The following SDR42E2 variants were observed in gnomAD, a reference collection of about 807,000 sequenced individuals.
The protein encoded by SDR42E2 is putative short-chain dehydrogenase/reductase family 42E member 2.
Under a neutral mutation model 10.5 loss-of-function variants are expected in SDR42E2, and 20 were observed. The observed-to-expected ratio is 1.90, with a 90% CI of 1.34 to 2.77. The LOEUF (loss-of-function observed/expected upper bound fraction) is 2.77, where lower values mean the gene tolerates loss of function less well. Among genes scored for constraint, SDR42E2 ranks in the 30% most tolerant of loss-of-function variants. SDR42E2 has a pLI of 0.00. For missense variants in SDR42E2, 162 were observed against 104.2 expected (o/e 1.55, Z -2.42); for synonymous variants, 72 against 39.2 (o/e 1.84, Z -3.12).
At chr16:22,172,087 G>A (rs990788060) in intron 6 of SDR42E2, among the ~76,000 whole-genome samples, 169 bp from the exon 7 acceptor site, 12 of 152,166 alleles carry the variant, frequency 7.9e-5, no homozygotes, top group African/African-American at 2.9e-4. Context: ...GCTCTGGAAG[G>A]AGATGCACTG....
chr16:22,164,791 C>G (rs937587029), intron 1 of SDR42E2, among the ~76,000 whole-genome samples: 4 of 152,158 alleles, frequency 2.6e-5, no homozygotes, highest in Non-Finnish European at 4.4e-5. Flanking sequence ...TCTCCTCCTC[C>G]TCCTCTTTCT....
rs1273927997 is a variant in SDR42E2, at chr16:22,178,179, C to T, written c.639C>T (p.Gly213=). Residue 213 remains glycine (G), a synonymous_variant, in exon 8 of 13, where the codon GGC becomes GGT. Coordinates refer to ENST00000602312, the MANE Select transcript of SDR42E2 (RefSeq NM_001394319.2). ...TGCTCCGGCCTCCAGGGATCTACGG[C>T]CCTGAAGAGCAGAGGCACCTGCCCC... is the stretch of plus-strand genomic sequence containing the variant. The part of the protein sequence containing the change: ...TCVLRPPGIY[G]PEEQRHLPRV... 7.1e-6 allele frequency: 5 copies of T among 702,858 alleles called. No homozygotes were observed. In the Admixed American group the frequency reaches 1.0e-4, roughly 14 times the overall value. The allele number at this position is 702,858 out of a possible 1,614,324, so 43.5% of individuals were successfully genotyped here. A position where few individuals can be genotyped will look rare whatever the true frequency, so the allele number is the denominator to read the frequency against.
At chr16:22,179,097 G>A (rs191217378) in intron 8 of SDR42E2, among the ~76,000 whole-genome samples, 4 of 152,218 alleles carry the variant, frequency 2.6e-5, no homozygotes, top group East Asian at 3.9e-4. Flanking sequence ...GGACTCAAGC[G>A]ATCCTCCTGC....
chr16:22,172,050 C>T (rs189780537), intron 6 of SDR42E2, among the ~76,000 whole-genome samples: 5 of 152,266 alleles, frequency 3.3e-5, no homozygotes, highest in African/African-American at 9.6e-5. Flanking sequence ...GTTACTGCTC[C>T]GAACCCAGTG....
At chr16:22,188,011 G>A (rs563460900) in intron 12 of SDR42E2, among the ~76,000 whole-genome samples, 14 of 151,696 alleles carry the variant, frequency 9.2e-5, no homozygotes, top group African/African-American at 2.7e-4. Context: ...CAGAAGAGTC[G>A]CTTGAACCTG....
intron 12 of SDR42E2, among the ~76,000 whole-genome samples, chr16:22,189,412 C>G (rs777421862): frequency 2.0e-5 from 3 of 152,140 alleles, no homozygotes; most frequent in African/African-American, 4.8e-5. Context: ...TGACCTTTTT[C>G]CAAGTATGCA....
In SDR42E2 at chr16:22,163,133, G is replaced by C. The variant is rs551301583; in HGVS notation, c.-37+569G>C. Among the ~76,000 whole-genome samples the C allele has an allele frequency of 3.9e-5, 6 of 152,240 alleles. No homozygotes were observed. The South Asian group carries it at 1.2e-3, about 32-fold the overall frequency. On this transcript the variant is annotated intron_variant, in intron 1 of 12. Coordinates refer to ENST00000602312, the MANE Select transcript of SDR42E2 (RefSeq NM_001394319.2). Reference sequence around the variant, plus strand: ...GAGCCAGAGCAGCCAGAAATATTTGGGTCCATTCGCGGTTGTGGGTACTAA... The same window carrying C: ...GAGCCAGAGCAGCCAGAAATATTTGCGTCCATTCGCGGTTGTGGGTACTAA...
At position 22,186,802 on chromosome 16, in the gene SDR42E2, G is replaced by T; in HGVS notation, c.1014+8G>T. The T allele has an allele frequency of 2.7e-6, 1 of 375,556 alleles. No individual in the cohort carries two copies. Among genetic ancestry groups the T allele is most frequent in the South Asian group, 1.4e-4 (1 of 7,138 alleles). 23.3% of individuals were successfully genotyped at this position (375,556 alleles called of 1,614,324 possible). A position where few individuals can be genotyped will look rare whatever the true frequency, so the allele number is the denominator to read the frequency against. The stretch of plus-strand genomic sequence containing the variant: ...CTGCTCACTCGTAGTGAGGTAAGTG[G>T]GCTGCTGTTATGGGACCTAGGCCCT... On this transcript the variant is annotated splice_region_variant and intron_variant, in intron 12 of 12. Coordinates refer to ENST00000602312, the MANE Select transcript of SDR42E2 (RefSeq NM_001394319.2).
At chr16:22,175,544 T>TC (rs1005166118) in intron 7 of SDR42E2, among the ~76,000 whole-genome samples, 4 of 150,926 alleles carry the variant, frequency 2.7e-5, no homozygotes, top group Non-Finnish European at 5.9e-5. Flanking sequence ...TCCTTCCTTT[T>TC]TTTTTTTTTT....
chr16:22,175,662 CAG>C (rs957664482), intron 7 of SDR42E2, among the ~76,000 whole-genome samples: 1 of 151,278 alleles, frequency 6.6e-6, no homozygotes, highest in African/African-American at 2.4e-5. Context: ...GCCTGGGTGA[CAG>C]AGTGAGACCC....
At chr16:22,182,777 A>T (rs1207283778) in intron 10 of SDR42E2, among the ~76,000 whole-genome samples, 1 of 152,168 alleles carries the variant, frequency 6.6e-6, no homozygotes, top group African/African-American at 2.4e-5. Flanking sequence ...ACACGGGAGG[A>T]TCGCTTGAGG....
chr16:22,166,225 G>T (rs2046537737), intron 2 of SDR42E2, 25 bp from the exon 3 acceptor site: 4 of 405,194 alleles, frequency 9.9e-6, no homozygotes, highest in Admixed American at 8.8e-5. Flanking sequence ...CAGACCCAGT[G>T]AGTCAACAAC....
Position 22,190,623 on chromosome 16 carries a change from T to C in SDR42E2, c.*230T>C. 2.6e-6 allele frequency: 1 copy of C among 389,758 alleles called. No homozygotes were observed. The highest frequency in any genetic ancestry group is 3.7e-5 in the East Asian group (1 of 27,246). 24.1% of individuals were successfully genotyped at this position (389,758 alleles called of 1,614,324 possible). A position where few individuals can be genotyped will look rare whatever the true frequency, so the allele number is the denominator to read the frequency against. ...GACCTTGCCTTGCGCCCTTCCTGTG[T>C]TTTGGCCCCGCCCCTGTCCTGTCCC... is the stretch of plus-strand genomic sequence containing the variant. On this transcript the variant is annotated 3_prime_UTR_variant, in exon 13 of 13. Coordinates refer to ENST00000602312, the MANE Select transcript of SDR42E2 (RefSeq NM_001394319.2).
chr16:22,177,997 C>A (rs1305625911), intron 7 of SDR42E2, 133 bp from the exon 8 acceptor site: 2 of 580,078 alleles, frequency 3.4e-6, no homozygotes, highest in East Asian at 6.0e-5. Flanking sequence ...ATAAATTGAA[C>A]GAGGAAGCCC....
intron 10 of SDR42E2, 96 bp from the exon 11 acceptor site, chr16:22,184,085 A>AT (rs2142079776): frequency 2.5e-6 from 1 of 397,900 alleles, no homozygotes; most frequent in African/African-American, 2.1e-5. Flanking sequence ...GGGAGACAGG[A>AT]GGTACCTCTG....
intron 10 of SDR42E2, 86 bp downstream of exon 10, chr16:22,182,363 T>C (rs1446015734): frequency 5.0e-6 from 2 of 399,312 alleles, no homozygotes; most frequent in African/African-American, 4.1e-5. Flanking sequence ...TTTTAATTTT[T>C]TGAGACAGAG....
chr16:22,170,756 A>T, intron 5 of SDR42E2, 77 bp from the exon 6 acceptor site: 1 of 696,998 alleles, frequency 1.4e-6, no homozygotes, highest in Non-Finnish European at 2.6e-6. Context: ...CTCTATGCTC[A>T]CTTGTGTCCC....
At position 22,162,706 on chromosome 16, in the gene SDR42E2, C is replaced by G. The variant is rs1416448547; in HGVS notation, c.-37+142C>G. 2.0e-5 allele frequency among the ~76,000 whole-genome samples: 3 copies of G among 152,314 alleles called. No homozygotes were observed. The East Asian group carries it at 5.8e-4, about 29-fold the overall frequency. The stretch of plus-strand genomic sequence containing the variant: ...TCTCAGGGTCAGTCCCTGATGCTCC[C>G]CACCCTTTTGCCAGTTCCTTCCACC... On this transcript the variant is annotated intron_variant, in intron 1 of 12. Coordinates refer to ENST00000602312, the MANE Select transcript of SDR42E2 (RefSeq NM_001394319.2).
intron 7 of SDR42E2, among the ~76,000 whole-genome samples, 157 bp downstream of exon 7, chr16:22,172,488 T>G (rs1205889223): frequency 6.6e-6 from 1 of 152,226 alleles, no homozygotes; most frequent in East Asian, 1.9e-4. Flanking sequence ...CAGCACATTC[T>G]GAGCACCTGC....
Sources: allele counts gnomAD v4.1 joint callset (sites outside exome capture counted in the v4.1 genomes callset), GRCh38; gene constraint gnomAD v4.1.1; transcripts MANE v1.5; gene names NCBI Gene and HGNC (gene_info 2026-07-23, HGNC 2026-07-21).